The following ELP2 variants were observed in gnomAD, a reference collection of about 807,000 sequenced individuals.
ELP2 encodes the protein elongator complex protein 2.
In ELP2, 90 loss-of-function variants were observed where a neutral mutation model predicts 119.2. The observed-to-expected ratio is 0.75, with a 90% CI of 0.64 to 0.90. The LOEUF is 0.90. Among genes scored for constraint, ELP2 ranks in the 40% least tolerant of loss-of-function variants. The pLI is 0.00. For missense variants in ELP2, 921 were observed against 967.8 expected (o/e 0.95, Z 0.64); for synonymous variants, 339 against 331.0 (o/e 1.02, Z -0.26).
At position 36,156,506 on chromosome 18, in the gene ELP2, A is replaced by G. The variant is rs571352087; in HGVS notation, c.1316A>G (p.Tyr439Cys). 2.2e-4 allele frequency: 361 copies of G among 1,614,158 alleles called. 7 individuals are homozygous for G. In the South Asian group the frequency reaches 3.8e-3, roughly 17 times the overall value. ...HEIARPQIHG[Y>C]DLKCLAMINR... ...ATTGCAAGGCCTCAGATACATGGGTATGACCTGAAATGTTTGGCAATGATT... is the reference window on the plus strand; with the variant it reads ...ATTGCAAGGCCTCAGATACATGGGTGTGACCTGAAATGTTTGGCAATGATT... Residue 439 changes from tyrosine (Y) to cysteine (C), a missense_variant, in exon 13 of 22, where the codon TAT becomes TGT. By Grantham distance (194) the Tyr-to-Cys change is radical. Transcript: ENST00000358232.
intron 18 of ELP2, among the ~76,000 whole-genome samples, chr18:36,166,319 GTTTTTTTTTTTTTTTTT>G (rs60477950): frequency 1.0e-3 from 72 of 71,692 alleles, no homozygotes; most frequent in South Asian, 3.0e-3. Flanking sequence ...GTTTTTTAGG[GTTTTTTTTTTTTTTTTT>G]TTTTTTTTTT....
Position 36,156,598 on chromosome 18 carries a change from T to A in ELP2, c.1408T>A (p.Phe470Ile). 2 of 1,614,112 alleles carry A rather than the reference T, an allele frequency of 1.2e-6. No individual in the cohort carries two copies. The highest frequency in any genetic ancestry group is 1.7e-6 in the Non-Finnish European group (2 of 1,180,012). Residue 470 changes from phenylalanine (F) to isoleucine (I), a missense_variant, in exon 13 of 22, where the codon TTT becomes ATT. Phe to Ile is a conservative substitution (Grantham distance 21). Transcript: ENST00000358232. ...VLRVFSAPRN[F>I]VENFCAITGQ... ...TCGGGTTTTTTCTGCACCTCGGAAT[T>A]TTGTGGAAAATTTTTGTGCCATTAC...
At position 36,175,899 on chromosome 18, in the gene ELP2, G is replaced by A. The variant is rs910240452; in HGVS notation, c.*1258G>A. On this transcript the variant is annotated 3_prime_UTR_variant, in exon 22 of 22. Coordinates refer to ENST00000358232, the MANE Select transcript of ELP2 (RefSeq NM_018255.4). Reference sequence around the variant, plus strand: ...GAGGATTTTCTTGGTGGGAGTTTATGCTGTTATTTAACATATTTTGCTTCC... The same window carrying A: ...GAGGATTTTCTTGGTGGGAGTTTATACTGTTATTTAACATATTTTGCTTCC... 6.6e-6 allele frequency: 1 copy of A among 152,130 alleles called. No individual in the cohort carries two copies. The highest frequency in any genetic ancestry group is 2.4e-5 in the African/African-American group (1 of 41,422). 9.4% of individuals were successfully genotyped at this position (152,130 alleles called of 1,614,324 possible).
chr18:36,149,484 T>TG (rs879466326), intron 11 of ELP2, among the ~76,000 whole-genome samples: 1 of 32,460 alleles, frequency 3.1e-5, no homozygotes. Context: ...TTTTGTTTTG[T>TG]TTTGTTTTTT....
intron 21 of ELP2, among the ~76,000 whole-genome samples, chr18:36,172,421 G>T (rs74702892): frequency 0.069 from 10,445 of 152,212 alleles, 439 homozygotes; most frequent in Non-Finnish European, 0.094. Context: ...AATGGAGAGA[G>T]ATTTGTGAGC....
Position 36,174,499 on chromosome 18 carries a change from T to G in ELP2, c.2339T>G (p.Leu780Arg). 6.2e-7 allele frequency: 1 copy of G among 1,614,094 alleles called. No homozygotes were observed. The highest frequency in any genetic ancestry group is 8.5e-7 in the Non-Finnish European group (1 of 1,179,968). The change falls in exon 22 of 22, where the codon CTG (leucine) becomes CGG (arginine). Residue 780 changes from leucine (L) to arginine (R), a missense_variant. Leu to Arg is a moderately radical substitution (Grantham distance 102). Transcript: ENST00000358232. ...CTTTGTTTTAGCCAAAGTCATACACTGGCTATCAGAAAATTATGCTGGAAG... is the reference window on the plus strand; with the variant it reads ...CTTTGTTTTAGCCAAAGTCATACACGGGCTATCAGAAAATTATGCTGGAAG... ...VETSQSQSHT[L>R]AIRKLCWKNC...
intron 21 of ELP2, among the ~76,000 whole-genome samples, chr18:36,174,275 G>A (rs1190001669): frequency 6.6e-6 from 1 of 151,788 alleles, no homozygotes; most frequent in African/African-American, 2.4e-5. Context: ...GCTCATTTTG[G>A]TGATGTTATT....
At chr18:36,134,132 T>A (rs1435802559) in intron 2 of ELP2, among the ~76,000 whole-genome samples, 3 of 152,086 alleles carry the variant, frequency 2.0e-5, no homozygotes, top group Non-Finnish European at 4.4e-5. Context: ...CCCGGCCAGC[T>A]ATTGCTTTTT....
Position 36,177,495 on chromosome 18 carries a change from T to C in ELP2, c.*2854T>C, listed in dbSNP as rs2091251733. ...AAGTAGAATGGTAGTTGCCAAGGAC[T>C]GGGGGAGGAGGAAATGAGGAGTTGT... On this transcript the variant is annotated 3_prime_UTR_variant, in exon 22 of 22. Transcript: ENST00000358232. 1 of 152,138 alleles carries C rather than the reference T, an allele frequency of 6.6e-6. No homozygotes were observed. The highest frequency in any genetic ancestry group is 2.4e-5 in the African/African-American group (1 of 41,418). 9.4% of individuals were successfully genotyped at this position (152,138 alleles called of 1,614,324 possible).
In ELP2 at chr18:36,145,634, C is replaced by CA. The variant is rs770669566; in HGVS notation, c.893-306dup. On this transcript the variant is annotated intron_variant, in intron 9 of 21. Transcript: ENST00000358232. ...GCTATGTTTGCTGTAATTTAAAAAA[C>CA]AAAAAAAATTGGAATTATAGATATT... Among the ~76,000 whole-genome samples the CA allele has an allele frequency of 1.0e-3, 159 of 151,872 alleles. 1 individual carries two copies. Among genetic ancestry groups the CA allele is most frequent in the Middle Eastern group, 3.4e-3 (1 of 294 alleles).
Position 36,179,330 on chromosome 18 carries a change from G to T in ELP2, c.*4689G>T, listed in dbSNP as rs1387324304. On this transcript the variant is annotated 3_prime_UTR_variant, in exon 22 of 22. Coordinates refer to ENST00000358232, the MANE Select transcript of ELP2 (RefSeq NM_018255.4). ...TACAAAAAAAAAAAAAAAATTAGTC[G>T]GGCATGGTGGTGGGCGCCTGTAATC... 7.7e-5 allele frequency: 9 copies of T among 117,140 alleles called. No homozygotes were observed. Among genetic ancestry groups the T allele is most frequent in the Admixed American group, 4.4e-4 (5 of 11,482 alleles). 7.3% of individuals were successfully genotyped at this position (117,140 alleles called of 1,614,324 possible).
intron 19 of ELP2, 85 bp downstream of exon 19, chr18:36,167,307 CCTTT>C: frequency 1.9e-6 from 2 of 1,063,846 alleles, no homozygotes; most frequent in East Asian, 2.8e-5. Context: ...CATAATCCTG[CCTTT>C]CTGTTACAGC....
intron 11 of ELP2, among the ~76,000 whole-genome samples, chr18:36,151,329 C>A (rs147329881): frequency 2.0e-4 from 31 of 151,944 alleles, no homozygotes; most frequent in African/African-American, 7.3e-4. Context: ...GCAGTCTACC[C>A]GCTTCTGCCT....
In ELP2 at chr18:36,164,477, A is replaced by T. The variant is rs1443909061; in HGVS notation, c.1764A>T (p.Ala588=). The T allele has an allele frequency of 6.2e-7, 1 of 1,613,792 alleles. No homozygotes were observed. Among genetic ancestry groups the T allele is most frequent in the East Asian group, 2.2e-5 (1 of 44,862 alleles). Residue 588 remains alanine (A), a splice_region_variant and synonymous_variant, in exon 18 of 22, where the codon GCA becomes GCT. Coordinates refer to ENST00000358232, the MANE Select transcript of ELP2 (RefSeq NM_018255.4). ...ATTGTTTCATCTCTGTCCTATAGGC[A>T]GCTAAGAAAGAGCATGCAGCTATCA... ...SKTLLASACK[A]AKKEHAAIIL...
chr18:36,136,432 A>G (rs894797970), intron 3 of ELP2, 55 bp downstream of exon 3: 1 of 1,423,706 alleles, frequency 7.0e-7, no homozygotes, highest in African/African-American at 1.4e-5. Context: ...TTTGTTTTTT[A>G]AGAGGTAGAG....
chr18:36,142,353 T>C lies in ELP2; in HGVS notation c.655+6T>C, dbSNP rs765728954. The C allele has an allele frequency of 6.2e-7, 1 of 1,613,338 alleles. No homozygotes were observed. Among genetic ancestry groups the C allele is most frequent in the Non-Finnish European group, 8.5e-7 (1 of 1,179,304 alleles). ...AGTGGAATGGGCAGCCTTTGGTCAG[T>C]ATGAAATTTTGCTAATGCACATACA... is the stretch of plus-strand genomic sequence containing the variant. On this transcript the variant is annotated splice_donor_region_variant and intron_variant, in intron 7 of 21. Transcript: ENST00000358232.
Position 36,156,589 on chromosome 18 carries a change from C to T in ELP2, c.1399C>T (p.Pro467Ser), listed in dbSNP as rs780494679. ...AAAAGTTCTTCGGGTTTTTTCTGCACCTCGGAATTTTGTGGAAAATTTTTG... is the reference window on the plus strand; with the variant it reads ...AAAAGTTCTTCGGGTTTTTTCTGCATCTCGGAATTTTGTGGAAAATTTTTG... ...DEKVLRVFSA[P>S]RNFVENFCAI... Residue 467 changes from proline to serine, a missense_variant, in exon 13 of 22, where the codon CCT becomes TCT. Physicochemically the swap from Pro to Ser is moderately conservative, Grantham distance 74. Transcript: ENST00000358232. The T allele has an allele frequency of 1.4e-5, 23 of 1,613,894 alleles. 1 individual carries two copies. In the East Asian group the frequency reaches 5.1e-4, roughly 36 times the overall value.
Position 36,180,005 on chromosome 18 carries a change from T to C in ELP2, c.*5364T>C, listed in dbSNP as rs1226599377. 1 of 152,260 alleles carries C rather than the reference T, an allele frequency of 6.6e-6. No homozygotes were observed. The allele number at this position is 152,260 out of a possible 1,614,324, so 9.4% of individuals were successfully genotyped here. On this transcript the variant is annotated 3_prime_UTR_variant, in exon 22 of 22. Coordinates refer to ENST00000358232, the MANE Select transcript of ELP2 (RefSeq NM_018255.4). The stretch of plus-strand genomic sequence containing the variant: ...AAAAAAAATTGTAAAATTTTCTTTC[T>C]GGTTTACGCAAGTTAAAAGTTTATT...
At chr18:36,136,130 G>C (rs2089814679) in intron 2 of ELP2, among the ~76,000 whole-genome samples, 177 bp from the exon 3 acceptor site, 1 of 150,534 alleles carries the variant, frequency 6.6e-6, no homozygotes, top group Non-Finnish European at 1.5e-5. Context: ...CTCCTAAAAG[G>C]TGTGTGTGTA....
Sources: gnomAD v4.1 joint callset for allele counts (sites outside exome capture counted in the v4.1 genomes callset) on GRCh38, gnomAD v4.1.1 for gene constraint, MANE v1.5 for transcripts, NCBI Gene and HGNC (gene_info 2026-07-23, HGNC 2026-07-21) for gene names.